Variants in RANBP2 observed in about 807,000 individuals in gnomAD.
RANBP2 encodes E3 SUMO-protein ligase RanBP2.
RANBP2 carries 57 observed loss-of-function variants against 303.6 expected under a neutral mutation model. The ratio of observed to expected loss-of-function variants is 0.19; its 90% CI spans 0.15 to 0.23. RANBP2 has a LOEUF of 0.23. Ranked by LOEUF, RANBP2 falls within the 10% of genes least tolerant of loss-of-function variation. RANBP2 has a pLI of 1.00. For synonymous variants in RANBP2, 1,167 were observed against 1,301.5 expected, an observed-to-expected ratio of 0.90 and a Z score of 2.23; for missense variants, 3,138 against 3,780.8, an observed-to-expected ratio of 0.83 and a Z score of 4.46.
At chr2:109,014,641 T>C in the RANBP2 span, among the ~76,000 whole-genome samples, 1 of 152,224 alleles carries the variant, frequency 6.6e-6, no homozygotes, top group Non-Finnish European at 1.5e-5. Flanking sequence ...GGTTTTCCCA[T>C]GCCTGGAGCC....
At chr2:109,657,763 A>T in the RANBP2 span, among the ~76,000 whole-genome samples, 1 of 117,028 alleles carries the variant, frequency 8.5e-6, no homozygotes. Flanking sequence ...TCTGTTGCCC[A>T]GGCTGGAGTG....
At chr2:108,905,864 A>G in the RANBP2 span, among the ~76,000 whole-genome samples, 1 of 146,566 alleles carries the variant, frequency 6.8e-6, no homozygotes, top group African/African-American at 2.8e-5. Context: ...CTGGGAGGGG[A>G]GGCTGGAGGC....
chr2:109,297,268 T>C, the RANBP2 span, among the ~76,000 whole-genome samples: 1 of 152,122 alleles, frequency 6.6e-6, no homozygotes, highest in East Asian at 1.9e-4. Context: ...TCACTGTTAA[T>C]ACAAATGCTG....
At chr2:108,969,539 C>A in the RANBP2 span, among the ~76,000 whole-genome samples, 1 of 152,222 alleles carries the variant, frequency 6.6e-6, no homozygotes, top group Non-Finnish European at 1.5e-5. Flanking sequence ...CCTTTATATG[C>A]TATTCAGGGA....
At chr2:109,688,781 TAAAAAA>T in the RANBP2 span, among the ~76,000 whole-genome samples, 2 of 43,738 alleles carry the variant, frequency 4.6e-5, no homozygotes, top group African/African-American at 1.7e-4. Context: ...TCTGTCTCAA[TAAAAAA>T]AAAAAAAAAA....
At chr2:109,365,830 A>G in the RANBP2 span, among the ~76,000 whole-genome samples, 1 of 152,222 alleles carries the variant, frequency 6.6e-6, no homozygotes, top group African/African-American at 2.4e-5. Context: ...CATCGCAGGT[A>G]TCCATCCCTT....
At chr2:108,789,020 G>A (rs1679454310), downstream of RANBP2, 3 of 1,592,064 alleles carry the variant, frequency 1.9e-6, no homozygotes, top group Non-Finnish European at 2.6e-6. Context: ...TCAAAAAACT[G>A]AGAAAGAGAA....
At chr2:109,415,763 C>G in the RANBP2 span, among the ~76,000 whole-genome samples, 2 of 152,222 alleles carry the variant, frequency 1.3e-5, no homozygotes, top group African/African-American at 4.8e-5. Context: ...CCACCTTAGC[C>G]AGCCTGGGCT....
chr2:109,641,010 TG>T, the RANBP2 span, among the ~76,000 whole-genome samples: 821 of 152,274 alleles, frequency 5.4e-3, 15 homozygotes, highest in African/African-American at 0.019. Flanking sequence ...GATAGATATT[TG>T]GGATGTCTAA....
intron 15 of RANBP2, 102 bp downstream of exon 15, chr2:108,754,073 A>G: frequency 1.2e-6 from 2 of 1,608,004 alleles, no homozygotes; most frequent in African/African-American, 1.3e-5. Flanking sequence ...ACTCAGTAAT[A>G]TGTTGTTATT....
intron 4 of RANBP2, among the ~76,000 whole-genome samples, chr2:108,732,197 A>T (rs1695219465): frequency 1.3e-5 from 2 of 152,172 alleles, no homozygotes; most frequent in East Asian, 1.9e-4. Context: ...ATAGGAATTT[A>T]AAAAATTTTA....
chr2:108,893,548 G>T, the RANBP2 span, among the ~76,000 whole-genome samples: 1 of 151,990 alleles, frequency 6.6e-6, no homozygotes, highest in African/African-American at 2.4e-5. Flanking sequence ...TCAAATGGGG[G>T]AAATGTGGAA....
the RANBP2 span, among the ~76,000 whole-genome samples, chr2:108,843,455 G>A: frequency 6.6e-6 from 1 of 152,218 alleles, no homozygotes; most frequent in East Asian, 1.9e-4. Context: ...ACCGCACCTG[G>A]CCTAGAGTAG....
chr2:108,964,105 C>G, the RANBP2 span, among the ~76,000 whole-genome samples: 1 of 152,226 alleles, frequency 6.6e-6, no homozygotes, highest in Non-Finnish European at 1.5e-5. Flanking sequence ...TAAATTTAAA[C>G]AGACACGTAT....
At chr2:108,825,887 C>T in the RANBP2 span, among the ~76,000 whole-genome samples, 1 of 152,174 alleles carries the variant, frequency 6.6e-6, no homozygotes, top group African/African-American at 2.4e-5. Context: ...TGCCAGCAGT[C>T]TGCAGAAGTT....
At position 108,735,703 on chromosome 2, in the gene RANBP2, A is replaced by G. The variant is rs1410282549; in HGVS notation, c.577A>G (p.Arg193Gly). The G allele has an allele frequency of 1.3e-6, 2 of 1,597,610 alleles. No homozygotes were observed. Among genetic ancestry groups the G allele is most frequent in the South Asian group, 2.2e-5 (2 of 90,996 alleles). Residue 193 changes from arginine (R) to glycine (G), a missense_variant, in exon 5 of 29, where the codon AGG becomes GGG. By Grantham distance (125) the Arg-to-Gly change is moderately radical (BLOSUM62 -2). This residue lies in a region of RANBP2 where 306 missense variants were observed against 381.9 expected (regional missense o/e 0.80). Coordinates refer to ENST00000283195, the MANE Select transcript of RANBP2 (RefSeq NM_006267.5). ...DAVAHCHEAE[R>G]NIALRSSLEW... ...TGTGGCCCACTGCCATGAGGCAGAG[A>G]GGAACATAGCTTTGCGTTCAAGTTT...
chr2:108,984,681 AGTTT>A, the RANBP2 span, among the ~76,000 whole-genome samples: 4 of 151,258 alleles, frequency 2.6e-5, no homozygotes, highest in South Asian at 2.1e-4. Flanking sequence ...CTGCCCTGCT[AGTTT>A]GTTTGTTTTT....
In RANBP2 at chr2:108,740,597, T is replaced by C. The variant is rs768349185; in HGVS notation, c.891T>C (p.Leu297=). Reference sequence around the variant, plus strand: ...TCTACATGCATGCTGGTTCTCTGCTTTTGAAGATGGGTCAGCATAGTAGTA... The same window carrying C: ...TCTACATGCATGCTGGTTCTCTGCTCTTGAAGATGGGTCAGCATAGTAGTA... ...GHFYMHAGSL[L]LKMGQHSSNV... Residue 297 remains leucine (L), a synonymous_variant, in exon 7 of 29, where the codon CTT becomes CTC. Coordinates refer to ENST00000283195, the MANE Select transcript of RANBP2 (RefSeq NM_006267.5). The C allele has an allele frequency of 5.0e-6, 8 of 1,597,440 alleles. No individual in the cohort carries two copies. Among genetic ancestry groups the C allele is most frequent in the Non-Finnish European group, 5.9e-6 (7 of 1,179,778 alleles).
the RANBP2 span, among the ~76,000 whole-genome samples, chr2:109,652,650 A>C: frequency 6.6e-6 from 1 of 152,168 alleles, no homozygotes; most frequent in Non-Finnish European, 1.5e-5. Flanking sequence ...GGTGGGTCAG[A>C]CAGCACCCAG....
Sources: gnomAD v4.1 joint callset for allele counts (sites outside exome capture counted in the v4.1 genomes callset) on GRCh38, gnomAD v4.1.1 for gene constraint, gnomAD v4.1.1 regional missense constraint, MANE v1.5 for transcripts, NCBI Gene and HGNC (gene_info 2026-07-23, HGNC 2026-07-21) for gene names.